The following MSI2 variants were observed in gnomAD, a reference collection of about 807,000 sequenced individuals.
MSI2 encodes the protein musashi RNA binding protein 2, also known as RNA-binding protein Musashi homolog 2.
MSI2 carries 17 observed loss-of-function variants against 45.6 expected under a neutral mutation model. The observed-to-expected ratio is 0.37, with a 90% CI of 0.26 to 0.56. The LOEUF is 0.56. Among genes scored for constraint, MSI2 ranks in the 20% least tolerant of loss-of-function variants. The pLI, the probability that MSI2 is intolerant of heterozygous loss-of-function variation, is 0.77. For missense variants in MSI2, 293 were observed against 444.2 expected, an observed-to-expected ratio of 0.66 and a Z score of 3.06; for synonymous variants, 156 against 158.2, an observed-to-expected ratio of 0.99 and a Z score of 0.11.
chr17:57,479,168 G>A (rs577787221), intron 6 of MSI2, among the ~76,000 whole-genome samples: 65 of 152,138 alleles, frequency 4.3e-4, no homozygotes, highest in Non-Finnish European at 8.2e-4. Context: ...TGGGCTGCTG[G>A]GGGATTGGGA....
chr17:57,320,370 G>A (rs568122372), intron 5 of MSI2, among the ~76,000 whole-genome samples: 2 of 152,234 alleles, frequency 1.3e-5, no homozygotes, highest in East Asian at 3.9e-4. Flanking sequence ...TTATTTAGGT[G>A]TGAATGCGGG....
chr17:57,443,990 C>T (rs1307917735), intron 6 of MSI2, among the ~76,000 whole-genome samples: 5 of 152,258 alleles, frequency 3.3e-5, no homozygotes, highest in South Asian at 2.1e-4. Flanking sequence ...AGCTGACATC[C>T]GGTCATCATC....
At chr17:57,517,707 C>G (rs2086499035) in intron 6 of MSI2, among the ~76,000 whole-genome samples, 1 of 152,124 alleles carries the variant, frequency 6.6e-6, no homozygotes, top group Non-Finnish European at 1.5e-5. Flanking sequence ...AAGGCTGGTA[C>G]CTTCAAAGGG....
Position 57,603,328 on chromosome 17 carries a change from C to T in MSI2, c.537+6378C>T, listed in dbSNP as rs1179650336. 2.0e-5 allele frequency among the ~76,000 whole-genome samples: 3 copies of T among 152,222 alleles called. No homozygotes were observed. The South Asian group carries it at 6.2e-4, about 32-fold the overall frequency. On this transcript the variant is annotated intron_variant, in intron 8 of 13. Transcript: ENST00000284073. ...GAGTGAGGTGCACGTGTCCTTGTCC[C>T]CAAGTCGGGACCTGCTGGGTCACTT...
intron 6 of MSI2, among the ~76,000 whole-genome samples, chr17:57,455,456 C>A (rs997060869): frequency 2.0e-5 from 3 of 152,082 alleles, no homozygotes; most frequent in Admixed American, 1.3e-4. Context: ...GTTTTAAAAC[C>A]CTGAAAAAGG....
intron 11 of MSI2, among the ~76,000 whole-genome samples, chr17:57,656,723 G>A (rs374143422): frequency 3.3e-5 from 5 of 152,162 alleles, no homozygotes; most frequent in Non-Finnish European, 5.9e-5. Context: ...AAGGGAGGTC[G>A]GCTTGGAACA....
chr17:57,468,144 A>C (rs1448443972), intron 6 of MSI2, among the ~76,000 whole-genome samples: 1 of 151,874 alleles, frequency 6.6e-6, no homozygotes, highest in Non-Finnish European at 1.5e-5. Flanking sequence ...TTAGAGCCTT[A>C]GTTCCCGCAT....
At chr17:57,503,225 A>G (rs1355258683) in intron 6 of MSI2, among the ~76,000 whole-genome samples, 1 of 152,238 alleles carries the variant, frequency 6.6e-6, no homozygotes, top group Non-Finnish European at 1.5e-5. Context: ...GCTACCCAAT[A>G]GTGATACATA....
intron 8 of MSI2, among the ~76,000 whole-genome samples, chr17:57,599,110 C>A (rs1333092428): frequency 3.9e-5 from 6 of 152,238 alleles, no homozygotes; most frequent in Non-Finnish European, 5.9e-5. Flanking sequence ...AGAGTACTGG[C>A]AGATGCCATT....
chr17:57,257,420 C>G (rs2143136240), intron 2 of MSI2, 46 bp from the exon 3 acceptor site: 2 of 1,049,578 alleles, frequency 1.9e-6, no homozygotes, highest in East Asian at 5.0e-5. Flanking sequence ...CTTTTTTTTT[C>G]CACACCTTCT....
chr17:57,262,326 G>C, intron 5 of MSI2, 134 bp downstream of exon 5: 1 of 927,168 alleles, frequency 1.1e-6, no homozygotes, highest in Non-Finnish European at 1.7e-6. Flanking sequence ...GGACAGGCTG[G>C]GCAAGTAGTC....
intron 6 of MSI2, among the ~76,000 whole-genome samples, chr17:57,524,237 C>G (rs961148025): frequency 6.6e-6 from 1 of 152,216 alleles, no homozygotes; most frequent in Non-Finnish European, 1.5e-5. Context: ...CTCTTCCCCC[C>G]ACCGCATTTT....
At chr17:57,403,933 GCACACACACACA>G (rs58718271) in intron 6 of MSI2, among the ~76,000 whole-genome samples, 3 of 149,082 alleles carry the variant, frequency 2.0e-5, no homozygotes, top group Non-Finnish European at 3.0e-5. Context: ...GAATGAATGT[GCACACACACACA>G]CACACACACA....
chr17:57,698,783 AG>A, the MSI2 span, among the ~76,000 whole-genome samples: 2 of 152,138 alleles, frequency 1.3e-5, no homozygotes, highest in East Asian at 3.9e-4. Context: ...AAAAGATACA[AG>A]GAGTAAAGTT....
chr17:57,333,605 TA>T (rs1412279789), intron 5 of MSI2, among the ~76,000 whole-genome samples: 5 of 151,972 alleles, frequency 3.3e-5, no homozygotes, highest in African/African-American at 9.7e-5. Flanking sequence ...ACCTAGCTAA[TA>T]TTTTTTTGTA....
At chr17:57,458,022 A>G (rs2085148825) in intron 6 of MSI2, among the ~76,000 whole-genome samples, 1 of 152,188 alleles carries the variant, frequency 6.6e-6, no homozygotes, top group African/African-American at 2.4e-5. Context: ...ACATATATAA[A>G]AATAGATATC....
intron 5 of MSI2, among the ~76,000 whole-genome samples, chr17:57,298,334 G>T (rs1231415760): frequency 2.0e-5 from 3 of 152,216 alleles, no homozygotes; most frequent in Non-Finnish European, 4.4e-5. Context: ...GAGCTGTAAT[G>T]TTTTGAAAGG....
intron 7 of MSI2, among the ~76,000 whole-genome samples, chr17:57,584,022 G>T (rs72833099): frequency 0.11 from 16,049 of 152,238 alleles, 985 homozygotes; most frequent in Middle Eastern, 0.16. Flanking sequence ...CCAGGGTGGG[G>T]CCTGAGACTG....
At chr17:57,395,557 G>A (rs1213309182) in intron 5 of MSI2, among the ~76,000 whole-genome samples, 1 of 152,108 alleles carries the variant, frequency 6.6e-6, no homozygotes, top group Non-Finnish European at 1.5e-5. Context: ...TGAGGGTGAG[G>A]GAGGATGGGA....
Sources: allele counts gnomAD v4.1 joint callset (sites outside exome capture counted in the v4.1 genomes callset), GRCh38; gene constraint gnomAD v4.1.1; transcripts MANE v1.5; gene names NCBI Gene and HGNC (gene_info 2026-07-23, HGNC 2026-07-21).